Variants in SPRED2 observed in about 807,000 individuals in gnomAD.
SPRED2 encodes sprouty-related, EVH1 domain-containing protein 2.
SPRED2 carries 47 observed loss-of-function variants against 43.0 expected under a neutral mutation model. The observed-to-expected ratio is 1.09, with a 90% CI of 0.87 to 1.40. The LOEUF is 1.40. Among genes scored for constraint, SPRED2 ranks in the 40% most tolerant of loss-of-function variants. The pLI is 0.00. For synonymous variants in SPRED2, 225 were observed against 225.7 expected, an observed-to-expected ratio of 1.00 and a Z score of 0.03; for missense variants, 561 against 586.4, an observed-to-expected ratio of 0.96 and a Z score of 0.45.
intron 1 of SPRED2, among the ~76,000 whole-genome samples, chr2:65,382,357 A>G (rs762890497): frequency 1.7e-4 from 26 of 152,226 alleles, no homozygotes; most frequent in Non-Finnish European, 2.5e-4. Context: ...GGATTTTTAG[A>G]AATTCTTGCT....
intron 1 of SPRED2, among the ~76,000 whole-genome samples, chr2:65,410,853 G>C (rs953339859): frequency 6.6e-6 from 1 of 152,196 alleles, no homozygotes; most frequent in Non-Finnish European, 1.5e-5. Flanking sequence ...GTAATGCAGA[G>C]GGTCTATCGT....
intron 1 of SPRED2, among the ~76,000 whole-genome samples, chr2:65,425,745 C>A (rs187400350): frequency 2.1e-3 from 313 of 152,320 alleles, no homozygotes; most frequent in Middle Eastern, 3.4e-3. Context: ...GCCTTAAAAG[C>A]ACCATCACAA....
intron 1 of SPRED2, among the ~76,000 whole-genome samples, chr2:65,406,917 A>C (rs1164957583): frequency 6.6e-6 from 1 of 151,616 alleles, no homozygotes; most frequent in Non-Finnish European, 1.5e-5. Context: ...TGGACAGTGG[A>C]AAGTTTAGTC....
At chr2:65,315,202 G>T (rs1201316930) in intron 5 of SPRED2, among the ~76,000 whole-genome samples, 1 of 145,960 alleles carries the variant, frequency 6.9e-6, no homozygotes, top group Non-Finnish European at 1.5e-5. Context: ...GTTTTTCAGG[G>T]GTTGAGGAAC....
intron 1 of SPRED2, among the ~76,000 whole-genome samples, chr2:65,352,588 C>G (rs147869149): frequency 3.9e-4 from 59 of 152,324 alleles, no homozygotes; most frequent in African/African-American, 1.4e-3. Flanking sequence ...GCAGAGTAAC[C>G]CCTACCCTTA....
At chr2:65,401,645 A>C (rs1675890284) in intron 1 of SPRED2, among the ~76,000 whole-genome samples, 1 of 151,610 alleles carries the variant, frequency 6.6e-6, no homozygotes, top group Admixed American at 6.6e-5. Flanking sequence ...AAAATACAAA[A>C]AAATTAGCCG....
chr2:65,401,937 G>GCGCGCGCACACA (rs776512353), intron 1 of SPRED2, among the ~76,000 whole-genome samples: 2,811 of 114,660 alleles, frequency 0.025, 44 homozygotes, highest in Non-Finnish European at 0.034. Context: ...GCGCGCGCGC[G>GCGCGCGCACACA]CACACACACA....
chr2:65,384,979 T>C (rs1251176201), intron 1 of SPRED2, among the ~76,000 whole-genome samples: 27 of 151,022 alleles, frequency 1.8e-4, no homozygotes, highest in African/African-American at 5.1e-4. Context: ...CTTCTTCTTT[T>C]TTTTTTTTTT....
chr2:65,316,139 C>T (rs1673225794), intron 5 of SPRED2, among the ~76,000 whole-genome samples: 1 of 152,226 alleles, frequency 6.6e-6, no homozygotes, highest in African/African-American at 2.4e-5. Flanking sequence ...CACACAGGCA[C>T]CAGTCCATGC....
In SPRED2 at chr2:65,313,955, T is replaced by C. The variant is rs763535631; in HGVS notation, c.803A>G (p.Tyr268Cys). The C allele has an allele frequency of 3.1e-6, 5 of 1,612,144 alleles. No homozygotes were observed. In the Admixed American group the frequency reaches 6.7e-5, roughly 21 times the overall value. ...EVPKHDYNYPYVDSSDFGLGE... is the reference protein window; with the variant it reads ...EVPKHDYNYPCVDSSDFGLGE... ...TAGGCCAAAGTCTGAGGAGTCCACG[T>C]AGGGGTAGTTGTAGTCATGCTTGGG... The change falls in exon 6 of 6, where the codon TAC (tyrosine) becomes TGC (cysteine). Residue 268 changes from tyrosine to cysteine, a missense_variant. By Grantham distance (194) the Tyr-to-Cys change is radical (BLOSUM62 -2). Around this residue, in one of 6 missense-constraint regions of SPRED2, gnomAD observed 164 missense variants for 164.1 expected, o/e 1.00. Transcript: ENST00000356388.
At chr2:65,392,201 A>G (rs1184027936) in intron 1 of SPRED2, among the ~76,000 whole-genome samples, 4 of 119,012 alleles carry the variant, frequency 3.4e-5, no homozygotes, top group Admixed American at 1.0e-4. Flanking sequence ...TTTTTTGGAG[A>G]CAGGGTCTTG....
chr2:65,334,477 C>T (rs1056422892), intron 3 of SPRED2, 128 bp downstream of exon 3: 4 of 1,088,584 alleles, frequency 3.7e-6, no homozygotes, highest in Middle Eastern at 2.1e-4. Flanking sequence ...AAAGTTTTGG[C>T]ATCTACTGAC....
chr2:65,402,225 G>A (rs1253446174), intron 1 of SPRED2, among the ~76,000 whole-genome samples: 1 of 130,396 alleles, frequency 7.7e-6, no homozygotes, highest in East Asian at 2.4e-4. Flanking sequence ...GTTTCATTGA[G>A]CTGAGATCTG....
At chr2:65,317,143 G>A (rs1467303348) in intron 4 of SPRED2, among the ~76,000 whole-genome samples, 1 of 152,164 alleles carries the variant, frequency 6.6e-6, no homozygotes, top group Non-Finnish European at 1.5e-5. Context: ...CTTAAATGCG[G>A]GAATAGTGAC....
At chr2:65,360,492 C>T (rs62139122) in intron 1 of SPRED2, among the ~76,000 whole-genome samples, 16,769 of 152,298 alleles carry the variant, frequency 0.11, 1,378 homozygotes, top group Non-Finnish European at 0.16. Flanking sequence ...TCCGCCTTAA[C>T]AAAGAAGGAA....
At chr2:65,318,357 AG>A (rs1395736064) in intron 4 of SPRED2, among the ~76,000 whole-genome samples, 1 of 152,020 alleles carries the variant, frequency 6.6e-6, no homozygotes, top group Non-Finnish European at 1.5e-5. Flanking sequence ...ACAACGGAGC[AG>A]GCCAGGCGAC....
chr2:65,337,795 C>T (rs1674010277), intron 2 of SPRED2, among the ~76,000 whole-genome samples: 1 of 152,158 alleles, frequency 6.6e-6, no homozygotes, highest in Admixed American at 6.5e-5. Flanking sequence ...GAATTGGTCA[C>T]CTTGAAGGCA....
intron 1 of SPRED2, among the ~76,000 whole-genome samples, chr2:65,371,357 G>C (rs550619651): frequency 1.4e-4 from 21 of 152,170 alleles, no homozygotes; most frequent in Non-Finnish European, 2.6e-4. Context: ...AGAAGCCTCA[G>C]CCAGCTGTTT....
intron 1 of SPRED2, among the ~76,000 whole-genome samples, chr2:65,377,254 G>T (rs57562769): frequency 0.04 from 6,030 of 152,200 alleles, 419 homozygotes; most frequent in African/African-American, 0.14. Context: ...TACAAAGACA[G>T]AAGAAAATCT....
Sources: allele counts gnomAD v4.1 joint callset (sites outside exome capture counted in the v4.1 genomes callset), GRCh38; gene constraint gnomAD v4.1.1; regional missense constraint gnomAD v4.1.1; transcripts MANE v1.5; gene names NCBI Gene and HGNC (gene_info 2026-07-23, HGNC 2026-07-21).